Variants in CTNND2 observed in about 807,000 individuals in gnomAD.
CTNND2 encodes the protein catenin delta-2.
A neutral mutation model predicts 144.4 loss-of-function variants in CTNND2; 22 were observed. The observed-to-expected ratio is 0.15, with a 90% CI of 0.11 to 0.22. CTNND2 has a LOEUF of 0.22. CTNND2 is among the 10% of genes least tolerant of loss of function. The pLI is 1.00. For missense variants in CTNND2, 1,353 were observed against 1,618.8 expected, an observed-to-expected ratio of 0.84 and a Z score of 2.82; for synonymous variants, 751 against 695.6, an observed-to-expected ratio of 1.08 and a Z score of -1.25.
chr5:10,976,534 C>T (rs1736508157), intron 21 of CTNND2, among the ~76,000 whole-genome samples: 2 of 152,206 alleles, frequency 1.3e-5, no homozygotes, highest in Non-Finnish European at 2.9e-5. Flanking sequence ...CTTAACGCTG[C>T]ATCTTGTTTT....
chr5:11,734,395 G>T (rs1255506608), intron 1 of CTNND2, among the ~76,000 whole-genome samples: 1 of 152,118 alleles, frequency 6.6e-6, no homozygotes, highest in Non-Finnish European at 1.5e-5. Flanking sequence ...AAATCATAGG[G>T]GCAGGTTTTG....
chr5:11,159,271 A>G (rs1758528263), intron 12 of CTNND2, among the ~76,000 whole-genome samples: 1 of 152,210 alleles, frequency 6.6e-6, no homozygotes, highest in African/African-American at 2.4e-5. Flanking sequence ...ATTACCAAGA[A>G]CTATTGTTTT....
At chr5:11,549,492 A>T (rs1318800755) in intron 3 of CTNND2, among the ~76,000 whole-genome samples, 1 of 152,196 alleles carries the variant, frequency 6.6e-6, no homozygotes, top group Non-Finnish European at 1.5e-5. Context: ...TTTAGATGCA[A>T]ATCCTGGAGA....
intron 9 of CTNND2, among the ~76,000 whole-genome samples, chr5:11,327,195 G>C (rs1752619883): frequency 6.6e-6 from 1 of 152,144 alleles, no homozygotes; most frequent in African/African-American, 2.4e-5. Context: ...AAGGGCCAGT[G>C]GGAAAGGACA....
At chr5:11,278,431 C>T (rs1337144365) in intron 9 of CTNND2, among the ~76,000 whole-genome samples, 3 of 152,120 alleles carry the variant, frequency 2.0e-5, no homozygotes, top group African/African-American at 7.2e-5. Context: ...TGCTTGCATG[C>T]CACGGAGGAG....
At chr5:11,634,674 G>C (rs1448610550) in intron 2 of CTNND2, among the ~76,000 whole-genome samples, 1 of 152,088 alleles carries the variant, frequency 6.6e-6, no homozygotes, top group Non-Finnish European at 1.5e-5. Context: ...AAATGGCCCA[G>C]AAAGTATGTA....
chr5:11,181,737 CAT>C (rs1437893254), intron 11 of CTNND2, among the ~76,000 whole-genome samples: 44 of 111,620 alleles, frequency 3.9e-4, no homozygotes, highest in Admixed American at 1.7e-3. Context: ...TTATGTGTGG[CAT>C]GTGTGTGTGG....
intron 16 of CTNND2, among the ~76,000 whole-genome samples, chr5:11,055,098 T>A (rs1487774104): frequency 6.6e-6 from 1 of 152,104 alleles, no homozygotes; most frequent in Non-Finnish European, 1.5e-5. Context: ...CACCACAGGC[T>A]TGATTGAGGA....
intron 4 of CTNND2, 55 bp from the exon 5 acceptor site, chr5:11,411,707 G>T: frequency 9.3e-7 from 1 of 1,080,044 alleles, no homozygotes; most frequent in Non-Finnish European, 1.4e-6. Flanking sequence ...TATTCTTAAA[G>T]ATTTAGGTTA....
At chr5:11,100,197 C>T (rs917930689) in intron 14 of CTNND2, among the ~76,000 whole-genome samples, 4 of 152,138 alleles carry the variant, frequency 2.6e-5, no homozygotes, top group Non-Finnish European at 4.4e-5. Context: ...AACTGCATGT[C>T]TTCTTTTCCT....
At chr5:11,442,794 T>C (rs1304176407) in intron 3 of CTNND2, among the ~76,000 whole-genome samples, 2 of 146,886 alleles carry the variant, frequency 1.4e-5, no homozygotes, top group South Asian at 4.2e-4. Flanking sequence ...TATATAATTA[T>C]ATATGTATAT....
intron 2 of CTNND2, among the ~76,000 whole-genome samples, chr5:11,586,596 A>T (rs1038329815): frequency 2.0e-5 from 3 of 152,208 alleles, no homozygotes; most frequent in African/African-American, 7.2e-5. Flanking sequence ...GGATTTTCCA[A>T]CTTGGCCATT....
At chr5:10,980,280 A>C (rs925481236) in intron 21 of CTNND2, among the ~76,000 whole-genome samples, 1 of 152,224 alleles carries the variant, frequency 6.6e-6, no homozygotes, top group Non-Finnish European at 1.5e-5. Flanking sequence ...TTATGCAGCC[A>C]ACAGACATAT....
chr5:11,137,754 G>C (rs1316120832), intron 12 of CTNND2, among the ~76,000 whole-genome samples: 1 of 152,178 alleles, frequency 6.6e-6, no homozygotes, highest in Non-Finnish European at 1.5e-5. Flanking sequence ...GTTTTCTTCA[G>C]AATATTCCTG....
intron 2 of CTNND2, among the ~76,000 whole-genome samples, chr5:11,592,947 A>G (rs958127493): frequency 6.6e-6 from 1 of 151,994 alleles, no homozygotes; most frequent in Non-Finnish European, 1.5e-5. Context: ...GAATCCAGAC[A>G]TGAAGCCACA....
chr5:11,297,010 A>C (rs181583536), intron 9 of CTNND2, among the ~76,000 whole-genome samples: 148 of 152,352 alleles, frequency 9.7e-4, no homozygotes, highest in Non-Finnish European at 1.9e-3. Flanking sequence ...CTCAGTACTT[A>C]AAGACTTTCT....
chr5:11,793,514 AAT>A (rs1480161081), intron 1 of CTNND2, among the ~76,000 whole-genome samples: 2 of 152,230 alleles, frequency 1.3e-5, no homozygotes, highest in Non-Finnish European at 2.9e-5. Flanking sequence ...CTCCTAAACC[AAT>A]ATGACAGATG....
intron 20 of CTNND2, among the ~76,000 whole-genome samples, chr5:10,986,275 G>A (rs1737941369): frequency 6.6e-6 from 1 of 152,164 alleles, no homozygotes; most frequent in Non-Finnish European, 1.5e-5. Context: ...ATGTGCCATT[G>A]GAACTGTTTT....
intron 7 of CTNND2, among the ~76,000 whole-genome samples, chr5:11,373,686 G>A (rs1757663197): frequency 6.6e-6 from 1 of 152,154 alleles, no homozygotes; most frequent in Non-Finnish European, 1.5e-5. Flanking sequence ...GGATGGCCAG[G>A]GGTCAAACTA....
Sources: gnomAD v4.1 joint callset for allele counts (sites outside exome capture counted in the v4.1 genomes callset) on GRCh38, gnomAD v4.1.1 for gene constraint, MANE v1.5 for transcripts, NCBI Gene and HGNC (gene_info 2026-07-23, HGNC 2026-07-21) for gene names.